The following DOCK1 variants were observed in gnomAD, a reference collection of about 807,000 sequenced individuals.
The protein encoded by DOCK1 is dedicator of cytokinesis protein 1.
In DOCK1, 138 loss-of-function variants were observed where a neutral mutation model predicts 262.7. That is an observed-to-expected ratio of 0.53 (90% CI 0.46 to 0.61). The LOEUF is 0.61. DOCK1 is among the 20% of genes least tolerant of loss of function. DOCK1 has a pLI of 0.00. For missense variants in DOCK1, 1,908 were observed against 2,370.7 expected, an observed-to-expected ratio of 0.80 and a Z score of 4.05; for synonymous variants, 866 against 867.4, an observed-to-expected ratio of 1.00 and a Z score of 0.03.
intron 1 of DOCK1, among the ~76,000 whole-genome samples, chr10:126,921,858 G>A (rs1300435285): frequency 1.3e-5 from 2 of 151,936 alleles, no homozygotes; most frequent in African/African-American, 4.8e-5. Flanking sequence ...TGCCATGTCG[G>A]CCAGGCTGGT....
intron 29 of DOCK1, among the ~76,000 whole-genome samples, chr10:127,288,110 G>GT (rs1377541952): frequency 6.6e-6 from 1 of 152,166 alleles, no homozygotes; most frequent in African/African-American, 2.4e-5. Context: ...AGGATGACCA[G>GT]TAAATTTTTT....
intron 10 of DOCK1, among the ~76,000 whole-genome samples, chr10:127,008,185 C>T (rs1216302627): frequency 6.6e-6 from 1 of 152,156 alleles, no homozygotes. Flanking sequence ...GCAACCTCCA[C>T]CTCCTGGGCC....
chr10:127,298,368 A>T (rs895038029), intron 29 of DOCK1, among the ~76,000 whole-genome samples: 1 of 152,194 alleles, frequency 6.6e-6, no homozygotes, highest in African/African-American at 2.4e-5. Flanking sequence ...CAGAGGGCTG[A>T]ATTTATTTGC....
At chr10:127,360,603 G>A (rs1362409026) in intron 32 of DOCK1, among the ~76,000 whole-genome samples, 5 of 152,216 alleles carry the variant, frequency 3.3e-5, no homozygotes, top group Non-Finnish European at 7.3e-5. Flanking sequence ...TCTCAACAGT[G>A]AGGGATAAAA....
chr10:127,040,745 A>T (rs570638147), intron 19 of DOCK1, among the ~76,000 whole-genome samples: 1 of 152,148 alleles, frequency 6.6e-6, no homozygotes, highest in East Asian at 1.9e-4. Context: ...TCACCCATTT[A>T]TTTTTATTTT....
chr10:127,093,509 C>T (rs1289213096), intron 23 of DOCK1, among the ~76,000 whole-genome samples: 3 of 151,810 alleles, frequency 2.0e-5, no homozygotes, highest in African/African-American at 4.8e-5. Flanking sequence ...CGTGCCATTG[C>T]GCCCACCTAA....
chr10:127,390,993 G>A (rs61870325), intron 38 of DOCK1, among the ~76,000 whole-genome samples: 42,488 of 152,046 alleles, frequency 0.28, 6,710 homozygotes, highest in Admixed American at 0.45. Context: ...CAGCACTGCC[G>A]CCCACATGCG....
At chr10:127,432,251 C>A (rs963850037) in intron 47 of DOCK1, among the ~76,000 whole-genome samples, 8 of 152,106 alleles carry the variant, frequency 5.3e-5, no homozygotes, top group Non-Finnish European at 1.2e-4. Context: ...GTTTACACAT[C>A]AAATGCTGTT....
intron 42 of DOCK1, among the ~76,000 whole-genome samples, chr10:127,409,742 G>A (rs888061001): frequency 1.2e-4 from 18 of 152,124 alleles, no homozygotes; most frequent in African/African-American, 2.9e-4. Context: ...AGTCCTGCCT[G>A]TTCCCAGCAA....
intron 27 of DOCK1, among the ~76,000 whole-genome samples, chr10:127,205,277 T>C (rs1401616066): frequency 6.6e-6 from 1 of 152,100 alleles, no homozygotes; most frequent in South Asian, 2.1e-4. Flanking sequence ...GGTCCGTGGG[T>C]GTTAATGAAC....
At chr10:127,078,646 G>A (rs1157216412) in intron 23 of DOCK1, among the ~76,000 whole-genome samples, 1 of 152,178 alleles carries the variant, frequency 6.6e-6, no homozygotes, top group Non-Finnish European at 1.5e-5. Flanking sequence ...ACTTGTACAT[G>A]CATGTTTACA....
chr10:127,144,783 CTTCCTT>C (rs1231163704), intron 27 of DOCK1, among the ~76,000 whole-genome samples: 1 of 152,108 alleles, frequency 6.6e-6, no homozygotes, highest in Non-Finnish European at 1.5e-5. Context: ...ACTTTGTATC[CTTCCTT>C]TACCACTATT....
chr10:126,937,753 G>A (rs961721860), intron 1 of DOCK1, among the ~76,000 whole-genome samples: 1 of 151,912 alleles, frequency 6.6e-6, no homozygotes, highest in Non-Finnish European at 1.5e-5. Context: ...TAAGCCCTTA[G>A]TGGATATAGG....
chr10:127,206,136 C>T (rs1255462032), intron 27 of DOCK1, among the ~76,000 whole-genome samples: 7 of 78,662 alleles, frequency 8.9e-5, no homozygotes, highest in African/African-American at 9.8e-5. Context: ...TTCTTCTTCT[C>T]TTTTTTTTTT....
intron 1 of DOCK1, among the ~76,000 whole-genome samples, chr10:126,939,757 G>T (rs951847691): frequency 1.6e-4 from 25 of 152,324 alleles, no homozygotes; most frequent in African/African-American, 6.0e-4. Flanking sequence ...CAGGGAAGTG[G>T]ATTAGTGCTG....
intron 29 of DOCK1, among the ~76,000 whole-genome samples, chr10:127,300,122 C>G (rs2061632672): frequency 6.6e-6 from 1 of 152,140 alleles, no homozygotes; most frequent in Admixed American, 6.5e-5. Context: ...AAACACTGAC[C>G]TGGCTTTTCC....
At chr10:127,434,097 T>C (rs2069494223) in intron 48 of DOCK1, among the ~76,000 whole-genome samples, 1 of 151,994 alleles carries the variant, frequency 6.6e-6, no homozygotes, top group African/African-American at 2.4e-5. Flanking sequence ...GACACCATTC[T>C]GCCAAGCCAA....
At position 126,990,595 on chromosome 10, in the gene DOCK1, T is replaced by G; in HGVS notation, c.465T>G (p.Tyr155Ter). 2 of 1,613,642 alleles carry G rather than the reference T, an allele frequency of 1.2e-6. No homozygotes were observed. Among genetic ancestry groups the G allele is most frequent in the Non-Finnish European group, 1.7e-6 (2 of 1,179,766 alleles). The part of the protein sequence containing the change: ...LKKKVTAKID[Y>*]GNRILDLDLV... ...AGAAGGTCACAGCCAAAATTGATTA[T>G]GGAAACAGGTTTGTTTATTTGAAAG... The change falls in exon 6 of 52, where the codon TAT becomes TAG. Residue 155 changes from tyrosine (Y) to a stop codon, truncating the protein, a stop_gained. Transcript: ENST00000623213. LOFTEE classifies it high-confidence loss of function.
intron 28 of DOCK1, 130 bp from the exon 29 acceptor site, chr10:127,257,205 T>C (rs763236661): frequency 1.4e-6 from 1 of 728,118 alleles, no homozygotes; most frequent in Non-Finnish European, 2.2e-6. Flanking sequence ...ATGAAATATA[T>C]CTTCATTACT....
Sources: allele counts gnomAD v4.1 joint callset (sites outside exome capture counted in the v4.1 genomes callset), GRCh38; gene constraint gnomAD v4.1.1; transcripts MANE v1.5; gene names NCBI Gene and HGNC (gene_info 2026-07-23, HGNC 2026-07-21).